Variants in AGBL2 observed in about 807,000 individuals in gnomAD.
The protein encoded by AGBL2 is cytosolic carboxypeptidase 2.
Under a neutral mutation model 103.0 loss-of-function variants are expected in AGBL2, and 87 were observed. The observed-to-expected ratio is 0.84, with a 90% CI of 0.71 to 1.01. The LOEUF is 1.01. AGBL2 is among the 50% of genes least tolerant of loss of function. AGBL2 has a pLI of 0.00. For synonymous variants in AGBL2, 335 were observed against 356.7 expected (o/e 0.94, Z 0.69); for missense variants, 904 against 1,023.5 (o/e 0.88, Z 1.59).
chr11:47,714,947 C>T lies in AGBL2; in HGVS notation c.-100-197G>A, dbSNP rs2097545738. The T allele has an allele frequency of 1.0e-4, 43 of 413,648 alleles. No homozygotes were observed. The South Asian group carries it at 1.1e-3, about 10-fold the overall frequency. The allele number at this position is 413,648 out of a possible 1,614,324, so 25.6% of individuals were successfully genotyped here. ...GCTTCTTCTTCCCAAGGTGCTGGCC[C>T]CATGCTTCCCTTTCCCTGAGAAAGG... On this transcript the variant is annotated intron_variant, in intron 1 of 18. Transcript: ENST00000525123.
At chr11:47,707,577 C>T (rs1271170511) in intron 4 of AGBL2, among the ~76,000 whole-genome samples, 2 of 152,126 alleles carry the variant, frequency 1.3e-5, no homozygotes, top group African/African-American at 4.8e-5. Flanking sequence ...AATTACCTCC[C>T]ACCAGGTCCC....
chr11:47,713,048 T>TA (rs1221577359), intron 3 of AGBL2, among the ~76,000 whole-genome samples: 2 of 142,022 alleles, frequency 1.4e-5, no homozygotes, highest in Admixed American at 7.1e-5. Context: ...GTCTCAAGAA[T>TA]AAAAAAAACA....
chr11:47,664,022 T>G (rs938280802), intron 17 of AGBL2, among the ~76,000 whole-genome samples: 3 of 151,280 alleles, frequency 2.0e-5, no homozygotes, highest in Admixed American at 1.3e-4. Flanking sequence ...GCCTGGCTAA[T>G]TTTTATATTT....
intron 3 of AGBL2, among the ~76,000 whole-genome samples, chr11:47,712,110 C>T (rs772487570): frequency 1.3e-5 from 2 of 152,022 alleles, no homozygotes; most frequent in Non-Finnish European, 2.9e-5. Flanking sequence ...TGCTGTCATA[C>T]TTCATATTGC....
chr11:47,707,300 A>G (rs2097524034), intron 4 of AGBL2, among the ~76,000 whole-genome samples: 1 of 152,240 alleles, frequency 6.6e-6, no homozygotes, highest in Non-Finnish European at 1.5e-5. Context: ...CAGCTGTGTT[A>G]GTCCATTTTC....
intron 14 of AGBL2, among the ~76,000 whole-genome samples, chr11:47,671,105 A>T (rs919516100): frequency 1.3e-5 from 2 of 152,134 alleles, no homozygotes; most frequent in Non-Finnish European, 1.5e-5. Flanking sequence ...TAAATAATCA[A>T]ACCTTTCTTT....
chr11:47,702,789 G>A (rs527464150), intron 7 of AGBL2, among the ~76,000 whole-genome samples: 4 of 152,032 alleles, frequency 2.6e-5, no homozygotes, highest in South Asian at 4.2e-4. Context: ...CAGGAGAATC[G>A]CTTGAACCCG....
intron 8 of AGBL2, among the ~76,000 whole-genome samples, chr11:47,696,026 A>G (rs866258322): frequency 0.065 from 2,470 of 37,878 alleles, 85 homozygotes; most frequent in African/African-American, 0.19. Flanking sequence ...AAAAAAAAAA[A>G]AAAAAAAAAA....
At chr11:47,687,614 G>A (rs577662727) in intron 10 of AGBL2, among the ~76,000 whole-genome samples, 20 of 150,022 alleles carry the variant, frequency 1.3e-4, no homozygotes, top group African/African-American at 4.4e-4. Context: ...TCCTGCTTTC[G>A]CCATATGATG....
Position 47,705,601 on chromosome 11 carries a change from C to A in AGBL2, c.320G>T (p.Arg107Leu). The A allele has an allele frequency of 2.0e-6, 1 of 509,246 alleles. No homozygotes were observed. Among genetic ancestry groups the A allele is most frequent in the Non-Finnish European group, 3.6e-6 (1 of 280,796 alleles). The allele number at this position is 509,246 out of a possible 1,614,324, so 31.5% of individuals were successfully genotyped here. ...TGGAGGTTGCAGTGAGCTGAGGCCG[C>A]GCCACTGCATCCAGCCCAGGCAAGA... ...FHSCLGWMQW[R>L]GLSSLQPPPP... The change falls in exon 6 of 19, where the codon CGC (arginine) becomes CTC (leucine). Residue 107 changes from arginine (R) to leucine (L), a missense_variant. Arg to Leu is a moderately radical substitution (Grantham distance 102). Coordinates refer to ENST00000525123, the MANE Select transcript of AGBL2 (RefSeq NM_024783.4).
Position 47,667,009 on chromosome 11 carries a change from A to AGGGG in AGBL2, c.2394_2395insCCCC (p.Ser799ProfsTer13), listed in dbSNP as rs1448667333. 19 of 1,613,554 alleles carry AGGGG rather than the reference A, an allele frequency of 1.2e-5. No homozygotes were observed. The highest frequency in any genetic ancestry group is 1.6e-5 in the Non-Finnish European group (19 of 1,179,874). On this transcript the variant is annotated frameshift_variant, in exon 17 of 19. Coordinates refer to ENST00000525123, the MANE Select transcript of AGBL2 (RefSeq NM_024783.4). LOFTEE classifies it high-confidence loss of function. Reference sequence around the variant, plus strand: ...ATTGGTAAAAAACTGGAATTCTCTGAGTTTTTGAAAAAGGTTGGCTGCTTT... The same window carrying AGGGG: ...ATTGGTAAAAAACTGGAATTCTCTGAGGGGGTTTTTGAAAAAGGTTGGCTGCTTT...
chr11:47,714,759 C>T lies in AGBL2; in HGVS notation c.-100-9G>A, dbSNP rs2135045776. The T allele has an allele frequency of 1.7e-6, 2 of 1,193,710 alleles. No individual in the cohort carries two copies. Among genetic ancestry groups the T allele is most frequent in the Admixed American group, 1.7e-5 (1 of 58,486 alleles). 73.9% of individuals were successfully genotyped at this position (1,193,710 alleles called of 1,614,324 possible). On this transcript the variant is annotated splice_polypyrimidine_tract_variant and intron_variant, in intron 1 of 18. Transcript: ENST00000525123. ...TGATTACACAAGAGAAGCTACAAAGCCACAAGAGGACAAGTGAAAAAACTG... is the reference window on the plus strand; with the variant it reads ...TGATTACACAAGAGAAGCTACAAAGTCACAAGAGGACAAGTGAAAAAACTG...
intron 11 of AGBL2, among the ~76,000 whole-genome samples, chr11:47,684,102 CATCTCTACTAAAAAT>C (rs749688092): frequency 6.6e-6 from 1 of 151,640 alleles, no homozygotes. Context: ...TACTAAACCC[CATCTCTACTAAAAAT>C]ACAAAAGTAG....
At chr11:47,678,931 C>T (rs571315158) in intron 13 of AGBL2, among the ~76,000 whole-genome samples, 3 of 150,784 alleles carry the variant, frequency 2.0e-5, no homozygotes, top group East Asian at 4.0e-4. Context: ...TGGTGGTGCA[C>T]GCCTGTAATC....
intron 2 of AGBL2, 27 bp downstream of exon 2, chr11:47,714,591 C>T (rs1242493608): frequency 1.2e-6 from 2 of 1,612,716 alleles, no homozygotes; most frequent in Non-Finnish European, 1.7e-6. Context: ...GAAGAAATTT[C>T]TGTGGCTTTC....
chr11:47,688,473 T>G (rs2153804124), intron 10 of AGBL2, among the ~76,000 whole-genome samples: 1 of 152,228 alleles, frequency 6.6e-6, no homozygotes, highest in South Asian at 2.1e-4. Context: ...AAGGCTCAGC[T>G]CTTCTTTGTC....
At chr11:47,692,404 C>CTTTTTTTTTTTTTTTT (rs11286504) in intron 8 of AGBL2, 148 bp from the exon 9 acceptor site, 1 of 96,104 alleles carries the variant, frequency 1.0e-5, no homozygotes, top group African/African-American at 5.4e-5. Context: ...GACTTTTAAT[C>CTTTTTTTTTTTTTTTT]TTTTTTTTTT....
intron 18 of AGBL2, among the ~76,000 whole-genome samples, chr11:47,661,909 T>C (rs1299662238): frequency 1.3e-5 from 2 of 151,268 alleles, no homozygotes; most frequent in South Asian, 2.1e-4. Flanking sequence ...CCACCACACC[T>C]GGCTAATTTT....
intron 15 of AGBL2, among the ~76,000 whole-genome samples, chr11:47,668,208 C>CA (rs34571219): frequency 0.35 from 33,297 of 94,894 alleles, 5,825 homozygotes; most frequent in Non-Finnish European, 0.41. Context: ...GACTCCATCT[C>CA]AAAAAAAAAA....
Sources: allele counts gnomAD v4.1 joint callset (sites outside exome capture counted in the v4.1 genomes callset), GRCh38; gene constraint gnomAD v4.1.1; transcripts MANE v1.5; gene names NCBI Gene and HGNC (gene_info 2026-07-23, HGNC 2026-07-21).